Variants in CDC14A observed in about 807,000 individuals in gnomAD.
The protein encoded by CDC14A is cell division cycle 14A.
In CDC14A, 53 loss-of-function variants were observed where a neutral mutation model predicts 74.4. The ratio of observed to expected loss-of-function variants is 0.71; its 90% CI spans 0.57 to 0.89. The LOEUF (loss-of-function observed/expected upper bound fraction) is 0.89. CDC14A is among the 40% of genes least tolerant of loss of function. The probability of loss-of-function intolerance (pLI) is 0.00; values close to 1 mark genes in which losing one functional copy is unlikely to be tolerated. For missense variants in CDC14A, 646 were observed against 713.7 expected, an observed-to-expected ratio of 0.91 and a Z score of 1.08; for synonymous variants, 247 against 258.4, an observed-to-expected ratio of 0.96 and a Z score of 0.43.
chr1:100,430,118 T>C (rs1388764628), intron 5 of CDC14A, among the ~76,000 whole-genome samples: 3 of 152,158 alleles, frequency 2.0e-5, no homozygotes, highest in Non-Finnish European at 4.4e-5. Flanking sequence ...CTGAGGCATA[T>C]TTCCTGATCC....
chr1:100,439,000 T>G (rs952364295), intron 5 of CDC14A, among the ~76,000 whole-genome samples: 1 of 152,242 alleles, frequency 6.6e-6, no homozygotes, highest in Non-Finnish European at 1.5e-5. Flanking sequence ...TCAAGTTTCC[T>G]ACCTCGGACA....
intron 2 of CDC14A, 131 bp downstream of exon 2, chr1:100,353,983 A>G (rs750467597): frequency 1.4e-5 from 9 of 650,266 alleles, no homozygotes; most frequent in Non-Finnish European, 1.9e-5. Flanking sequence ...CAATTTTTTA[A>G]GACTCAGGTG....
intron 9 of CDC14A, among the ~76,000 whole-genome samples, chr1:100,465,548 T>G (rs1217865489): frequency 6.6e-6 from 1 of 152,260 alleles, no homozygotes; most frequent in East Asian, 1.9e-4. Context: ...GCACTCAGTC[T>G]TTTAATTGAA....
chr1:100,347,268 T>C (rs1650500342), intron 1 of CDC14A, among the ~76,000 whole-genome samples: 1 of 152,236 alleles, frequency 6.6e-6, no homozygotes, highest in African/African-American at 2.4e-5. Flanking sequence ...CTTCTCTTTT[T>C]TTCTCTTTTA....
intron 15 of CDC14A, among the ~76,000 whole-genome samples, chr1:100,499,802 A>G (rs1648498245): frequency 6.6e-6 from 1 of 152,194 alleles, no homozygotes; most frequent in Non-Finnish European, 1.5e-5. Context: ...ACCTCCTGCA[A>G]GGAACTGACC....
intron 5 of CDC14A, among the ~76,000 whole-genome samples, chr1:100,438,563 A>G (rs187213898): frequency 6.1e-4 from 93 of 152,300 alleles, no homozygotes; most frequent in Admixed American, 4.4e-3. Flanking sequence ...GGGCTATTTT[A>G]TTTTTTGCTG....
chr1:100,493,589 C>A (rs1297364343), intron 11 of CDC14A, among the ~76,000 whole-genome samples: 2 of 152,200 alleles, frequency 1.3e-5, no homozygotes, highest in African/African-American at 4.8e-5. Flanking sequence ...CTAAGAGAAT[C>A]CTCTGTCATG....
chr1:100,365,257 C>T (rs1006640894), intron 2 of CDC14A, among the ~76,000 whole-genome samples: 5 of 152,210 alleles, frequency 3.3e-5, no homozygotes, highest in African/African-American at 1.2e-4. Context: ...TCTTTTCCTT[C>T]CTCAAAGAGG....
rs78847790 is a variant in CDC14A at position 100,450,217 on chromosome 1, C to T, written c.520-5188C>T. Among the ~76,000 whole-genome samples, 202 of 152,292 alleles carry T rather than the reference C, an allele frequency of 1.3e-3. 1 individual carries two copies. The highest frequency in any genetic ancestry group is 4.8e-3 in the African/African-American group (198 of 41,564). Reference sequence around the variant, plus strand: ...CCTAACAATTGCTCTTTAGCACCTACCTTGAGAAATAGTAAAGTTTGTTAG... The same window carrying T: ...CCTAACAATTGCTCTTTAGCACCTATCTTGAGAAATAGTAAAGTTTGTTAG... On this transcript the variant is annotated intron_variant, in intron 7 of 15. Transcript: ENST00000336454.
chr1:100,466,871 C>CAAAAA (rs11382441), intron 9 of CDC14A, among the ~76,000 whole-genome samples: 5 of 87,304 alleles, frequency 5.7e-5, no homozygotes, highest in African/African-American at 1.9e-4. Flanking sequence ...ACTCGGTCTC[C>CAAAAA]AAAAAAAAAA....
intron 15 of CDC14A, chr1:100,504,757 A>T: frequency 7.6e-7 from 1 of 1,318,346 alleles, no homozygotes; most frequent in Non-Finnish European, 1.1e-6. Flanking sequence ...TTTCTGTAGT[A>T]TTGTATCTTT....
chr1:100,382,413 G>GTTTTTTTT (rs1557699718), intron 3 of CDC14A, among the ~76,000 whole-genome samples: 11 of 119,438 alleles, frequency 9.2e-5, no homozygotes, highest in Non-Finnish European at 1.5e-4. Context: ...TTTTTTTTTA[G>GTTTTTTTT]TTTTTGTAGA....
chr1:100,498,818 A>G, intron 14 of CDC14A, 111 bp from the exon 15 acceptor site: 1 of 1,396,306 alleles, frequency 7.2e-7, no homozygotes, highest in Non-Finnish European at 9.5e-7. Flanking sequence ...GATCAGATTC[A>G]TCTTCATCAT....
chr1:100,365,977 C>T (rs903337389), intron 2 of CDC14A, among the ~76,000 whole-genome samples: 1 of 151,664 alleles, frequency 6.6e-6, no homozygotes, highest in Non-Finnish European at 1.5e-5. Context: ...CACACACACA[C>T]GGTCTCATTG....
intron 2 of CDC14A, among the ~76,000 whole-genome samples, chr1:100,368,637 T>C (rs1442342004): frequency 6.6e-6 from 1 of 152,240 alleles, no homozygotes; most frequent in East Asian, 1.9e-4. Flanking sequence ...CAGGTTTGTA[T>C]ACAAGCATAT....
At chr1:100,404,348 T>G (rs1429987397) in intron 4 of CDC14A, among the ~76,000 whole-genome samples, 2 of 152,236 alleles carry the variant, frequency 1.3e-5, no homozygotes, top group African/African-American at 4.8e-5. Flanking sequence ...TCTGTCTCTG[T>G]GTCTTTCTTA....
chr1:100,442,900 A>G, intron 6 of CDC14A, 34 bp from the exon 7 acceptor site: 1 of 1,390,208 alleles, frequency 7.2e-7, no homozygotes, highest in Non-Finnish European at 1.0e-6. Flanking sequence ...TTATCAATTT[A>G]GCATGGAAAA....
intron 2 of CDC14A, among the ~76,000 whole-genome samples, chr1:100,356,317 G>T (rs541900629): frequency 1.3e-5 from 2 of 152,242 alleles, no homozygotes; most frequent in African/African-American, 4.8e-5. Flanking sequence ...GCTGTTCTAG[G>T]TGCTCTATAA....
At chr1:100,387,588 G>C (rs917726927) in intron 3 of CDC14A, among the ~76,000 whole-genome samples, 6 of 152,142 alleles carry the variant, frequency 3.9e-5, no homozygotes, top group Non-Finnish European at 7.3e-5. Flanking sequence ...TTAAAATAAA[G>C]TTTCTAGGAA....
Sources: gnomAD v4.1 joint callset for allele counts (sites outside exome capture counted in the v4.1 genomes callset) on GRCh38, gnomAD v4.1.1 for gene constraint, MANE v1.5 for transcripts, NCBI Gene and HGNC (gene_info 2026-07-23, HGNC 2026-07-21) for gene names.